The following CEP85 variants were observed in gnomAD, a reference collection of about 807,000 sequenced individuals.
The protein encoded by CEP85 is centrosomal protein of 85 kDa.
In CEP85, 58 loss-of-function variants were observed where a neutral mutation model predicts 93.7. The observed-to-expected ratio is 0.62, with a 90% CI of 0.50 to 0.77. The LOEUF is 0.77. CEP85 is among the 30% of genes least tolerant of loss of function. The pLI, the probability that CEP85 is intolerant of heterozygous loss-of-function variation, is 0.00. For missense variants in CEP85, 868 were observed against 922.0 expected (o/e 0.94, Z 0.76); for synonymous variants, 314 against 338.6 (o/e 0.93, Z 0.80).
intron 11 of CEP85, 57 bp from the exon 12 acceptor site, chr1:26,274,907 C>T: frequency 7.2e-7 from 1 of 1,392,928 alleles, no homozygotes; most frequent in Non-Finnish European, 9.9e-7. Flanking sequence ...GTGATATTGT[C>T]TGAACCAGAC....
intron 1 of CEP85, among the ~76,000 whole-genome samples, chr1:26,237,213 A>G (rs1326349749): frequency 6.6e-6 from 1 of 152,074 alleles, no homozygotes; most frequent in Non-Finnish European, 1.5e-5. Context: ...TTTGGCTTAT[A>G]TCACATAACA....
Position 26,277,308 on chromosome 1 carries a change from T to C in CEP85, c.*15T>C, listed in dbSNP as rs1228535852. ...TCACACAGTGAGGAATTCTGGGGGA[T>C]TCCCCCAGGGAGGAGCTGGGCTGCT... On this transcript the variant is annotated 3_prime_UTR_variant, in exon 14 of 14. Transcript: ENST00000451429. 1 of 1,604,174 alleles carries C rather than the reference T, an allele frequency of 6.2e-7. No homozygotes were observed. Among genetic ancestry groups the C allele is most frequent in the South Asian group, 1.1e-5 (1 of 90,912 alleles).
intron 3 of CEP85, among the ~76,000 whole-genome samples, chr1:26,252,822 G>A (rs1350377388): frequency 1.3e-5 from 2 of 152,088 alleles, no homozygotes; most frequent in African/African-American, 4.8e-5. Context: ...GTAATATAAG[G>A]CTTGCACGTC....
At position 26,244,168 on chromosome 1, in the gene CEP85, T is replaced by C. The variant is rs1569968335; in HGVS notation, c.58T>C (p.Ser20Pro). The C allele has an allele frequency of 5.0e-6, 8 of 1,613,220 alleles. No homozygotes were observed. The highest frequency in any genetic ancestry group is 6.8e-6 in the Non-Finnish European group (8 of 1,179,716). Residue 20 changes from serine to proline, a missense_variant and splice_region_variant, in exon 3 of 14, where the codon TCC becomes CCC. Coordinates refer to ENST00000451429, the MANE Select transcript of CEP85 (RefSeq NM_001319944.2). ...GTGGGAAATGCCTCTTGTTTCAGGT[T>C]CCGATGTGATTCAGAAGGGCAGTTC... ...EGISHVTSPS[S>P]DVIQKGSSLG...
Position 26,255,783 on chromosome 1 carries a change from G to T in CEP85, c.821G>T (p.Trp274Leu), listed in dbSNP as rs755068709. 7.4e-6 allele frequency: 12 copies of T among 1,614,008 alleles called. No individual in the cohort carries two copies. In the African/African-American group the frequency reaches 1.5e-4, roughly 20 times the overall value. The change falls in exon 4 of 14, where the codon TGG becomes TTG. Residue 274 changes from tryptophan to leucine, a missense_variant. Transcript: ENST00000451429. ...SQVWQPSPDTWHPREQSCELS... is the reference protein window; with the variant it reads ...SQVWQPSPDTLHPREQSCELS... The stretch of plus-strand genomic sequence containing the variant: ...GTGTGGCAGCCGAGTCCTGACACTT[G>T]GCATCCCCGAGAGCAATCTTGTGAA...
In CEP85 at chr1:26,277,587, C is replaced by G. The variant is rs150800515; in HGVS notation, c.*294C>G. ...CCCAGCCCTAGGCTGACATGAGAGA[C>G]GAACAGGCTGTCCACCTTTCTTCTC... On this transcript the variant is annotated 3_prime_UTR_variant, in exon 14 of 14. Coordinates refer to ENST00000451429, the MANE Select transcript of CEP85 (RefSeq NM_001319944.2). 1 of 262,454 alleles carries G rather than the reference C, an allele frequency of 3.8e-6. No individual in the cohort carries two copies. The highest frequency in any genetic ancestry group is 2.2e-5 in the African/African-American group (1 of 46,170). 16.3% of individuals were successfully genotyped at this position (262,454 alleles called of 1,614,324 possible). A position where few individuals can be genotyped will look rare whatever the true frequency, so the allele number is the denominator to read the frequency against.
chr1:26,251,652 C>G (rs2089617739), intron 3 of CEP85, among the ~76,000 whole-genome samples: 1 of 152,164 alleles, frequency 6.6e-6, no homozygotes, highest in Non-Finnish European at 1.5e-5. Flanking sequence ...CTCTTAGAGG[C>G]CCCCACCTCT....
rs141680945 is a variant in CEP85 at position 26,238,606 on chromosome 1, G to A, written c.-22-1156G>A. 1.1e-3 allele frequency among the ~76,000 whole-genome samples: 170 copies of A among 152,258 alleles called. 1 individual carries two copies. Among genetic ancestry groups the A allele is most frequent in the African/African-American group, 4.0e-3 (165 of 41,558 alleles). On this transcript the variant is annotated intron_variant, in intron 1 of 13. Coordinates refer to ENST00000451429, the MANE Select transcript of CEP85 (RefSeq NM_001319944.2). ...TACTTTTGTTGATGTAAATTGCCAA[G>A]TAATAACAGCACTTAGTATGTGTCA...
Position 26,277,348 on chromosome 1 carries a change from G to A in CEP85, c.*55G>A. ...GCTGGGCTGCTGAGAGCCTAGTCCA[G>A]CAGGTTTCTGCCCTGACATTCTCTT... On this transcript the variant is annotated 3_prime_UTR_variant, in exon 14 of 14. Transcript: ENST00000451429. 1 of 1,534,140 alleles carries A rather than the reference G, an allele frequency of 6.5e-7. No homozygotes were observed. The highest frequency in any genetic ancestry group is 9.0e-7 in the Non-Finnish European group (1 of 1,115,140).
chr1:26,236,962 A>T (rs1322232523), intron 1 of CEP85, among the ~76,000 whole-genome samples: 1 of 152,234 alleles, frequency 6.6e-6, no homozygotes, highest in Non-Finnish European at 1.5e-5. Context: ...TATTGTACAG[A>T]TGAAGCCTCC....
At position 26,262,419 on chromosome 1, in the gene CEP85, A is replaced by C. The variant is rs190762056; in HGVS notation, c.1341+2617A>C. The stretch of plus-strand genomic sequence containing the variant: ...CTTGAACCCAGGAGGTAGATGTTGC[A>C]GTGAGCCGAGATAGCACCACTGCTC... On this transcript the variant is annotated intron_variant, in intron 7 of 13. Transcript: ENST00000451429. Among the ~76,000 whole-genome samples the C allele has an allele frequency of 1.5e-3, 234 of 151,880 alleles. 1 individual carries two copies. Among genetic ancestry groups the C allele is most frequent in the African/African-American group, 5.4e-3 (222 of 41,446 alleles).
At position 26,239,854 on chromosome 1, in the gene CEP85, T is replaced by C; in HGVS notation, c.55+16T>C. Reference sequence around the variant, plus strand: ...ACTTCACCGAGTGAGTAGTCAGAAGTTTTCTGGGTTAAATTCTGACCTTTG... The same window carrying C: ...ACTTCACCGAGTGAGTAGTCAGAAGCTTTCTGGGTTAAATTCTGACCTTTG... On this transcript the variant is annotated intron_variant, in intron 2 of 13. Coordinates refer to ENST00000451429, the MANE Select transcript of CEP85 (RefSeq NM_001319944.2). The C allele has an allele frequency of 6.2e-7, 1 of 1,601,378 alleles. No homozygotes were observed. The highest frequency in any genetic ancestry group is 2.2e-5 in the East Asian group (1 of 44,818).
intron 10 of CEP85, among the ~76,000 whole-genome samples, 178 bp downstream of exon 10, chr1:26,271,285 T>C (rs561582935): frequency 2.0e-5 from 3 of 152,320 alleles, no homozygotes; most frequent in Admixed American, 6.5e-5. Flanking sequence ...TAGTCATCCT[T>C]GTAACAGGCA....
At chr1:26,257,774 G>A in intron 5 of CEP85, 44 bp downstream of exon 5, 1 of 1,608,368 alleles carries the variant, frequency 6.2e-7, no homozygotes, top group Non-Finnish European at 8.5e-7. Flanking sequence ...ACTCTCCCAG[G>A]CCCCATTGAA....
rs1235840941 is a variant in CEP85, at chr1:26,255,580, C to T, written c.618C>T (p.Arg206=). ...ATTCAGATCCTCACCACCGAGTCCGCTTCCACAACCCAAGAACCAGCACAA... is the reference window on the plus strand; with the variant it reads ...ATTCAGATCCTCACCACCGAGTCCGTTTCCACAACCCAAGAACCAGCACAA... ...TLYSDPHHRV[R]FHNPRTSTSK... The change falls in exon 4 of 14, where the codon CGC becomes CGT. Residue 206 remains arginine (R), a synonymous_variant. Transcript: ENST00000451429. The T allele has an allele frequency of 6.2e-7, 1 of 1,614,076 alleles. No individual in the cohort carries two copies. The highest frequency in any genetic ancestry group is 8.5e-7 in the Non-Finnish European group (1 of 1,180,044).
chr1:26,255,113 A>T, intron 3 of CEP85, 58 bp from the exon 4 acceptor site: 1 of 1,413,010 alleles, frequency 7.1e-7, no homozygotes, highest in South Asian at 1.2e-5. Context: ...CATAGCATTC[A>T]AACTCAAGAA....
In CEP85 at chr1:26,235,564, ATTCTTT is replaced by A. The variant is rs1181616112; in HGVS notation, c.-23+1257_-23+1262del. Among the ~76,000 whole-genome samples the A allele has an allele frequency of 2.3e-4, 16 of 69,552 alleles. 1 individual carries two copies. The highest frequency in any genetic ancestry group is 8.1e-4 in the African/African-American group (14 of 17,284). 45.6% of individuals were successfully genotyped at this position (69,552 alleles called of 152,430 possible). On this transcript the variant is annotated intron_variant, in intron 1 of 13. Transcript: ENST00000451429. ...CATGATGTTCCACACTTAGATTGTA[ATTCTTT>A]TTTTTTTTTTTTTTTTTGTGAGACG... is the stretch of plus-strand genomic sequence containing the variant.
At chr1:26,258,501 G>A (rs1358452346) in intron 6 of CEP85, among the ~76,000 whole-genome samples, 1 of 151,800 alleles carries the variant, frequency 6.6e-6, no homozygotes, top group African/African-American at 2.4e-5. Flanking sequence ...AAGAAAGGTA[G>A]ATAGTAAGGT....
At chr1:26,249,735 GT>G (rs1201630981) in intron 3 of CEP85, among the ~76,000 whole-genome samples, 1 of 152,148 alleles carries the variant, frequency 6.6e-6, no homozygotes, top group East Asian at 1.9e-4. Flanking sequence ...AAAATGAGTT[GT>G]TTTTTAGGGT....
Sources: allele counts gnomAD v4.1 joint callset (sites outside exome capture counted in the v4.1 genomes callset), GRCh38; gene constraint gnomAD v4.1.1; transcripts MANE v1.5; gene names NCBI Gene and HGNC (gene_info 2026-07-23, HGNC 2026-07-21).